The following ESRRG variants were observed in gnomAD, a reference collection of about 807,000 sequenced individuals.
ESRRG encodes the protein estrogen related receptor gamma, also known as estrogen-related receptor gamma.
A neutral mutation model predicts 44.0 loss-of-function variants in ESRRG; 13 were observed. That is an observed-to-expected ratio of 0.30 (90% CI 0.19 to 0.47). The LOEUF is 0.47. ESRRG is among the 20% of genes least tolerant of loss of function. ESRRG has a pLI of 1.00. For missense variants in ESRRG, 395 were observed against 580.6 expected (o/e 0.68, Z 3.29); for synonymous variants, 215 against 214.6 (o/e 1.00, Z -0.02).
chr1:217,026,910 C>CAGAGAGAG (rs1414926581), intron 1 of ESRRG, among the ~76,000 whole-genome samples: 159 of 97,230 alleles, frequency 1.6e-3, no homozygotes, highest in African/African-American at 5.0e-3. Context: ...CACACACACA[C>CAGAGAGAG]ACAGAGAGAG....
intron 1 of ESRRG, among the ~76,000 whole-genome samples, chr1:216,953,125 CA>C (rs1416137192): frequency 6.6e-6 from 1 of 152,086 alleles, no homozygotes; most frequent in Non-Finnish European, 1.5e-5. Context: ...CTACAATGAC[CA>C]GGGGATGGCC....
At chr1:216,991,634 G>C (rs1462981117) in intron 1 of ESRRG, among the ~76,000 whole-genome samples, 1 of 103,130 alleles carries the variant, frequency 9.7e-6, no homozygotes, top group East Asian at 3.1e-4. Flanking sequence ...GATGGGATGG[G>C]ATGGGATGGG....
At chr1:216,758,573 C>T (rs1285039451) in intron 2 of ESRRG, among the ~76,000 whole-genome samples, 2 of 151,722 alleles carry the variant, frequency 1.3e-5, no homozygotes, top group African/African-American at 2.4e-5. Flanking sequence ...TTTTTTAAAG[C>T]GACTCAAAGT....
At chr1:216,989,887 T>C (rs79897030) in intron 1 of ESRRG, among the ~76,000 whole-genome samples, 6,875 of 152,256 alleles carry the variant, frequency 0.045, 220 homozygotes, top group South Asian at 0.079. Flanking sequence ...TTTCTAACTT[T>C]ACTTTCTAAA....
chr1:217,059,545 C>T (rs2087896038), intron 1 of ESRRG, among the ~76,000 whole-genome samples: 1 of 152,044 alleles, frequency 6.6e-6, no homozygotes, highest in African/African-American at 2.4e-5. Context: ...GGCAGGAGAG[C>T]TATCAAAGGC....
chr1:216,738,229 A>C (rs917060113), intron 2 of ESRRG, among the ~76,000 whole-genome samples: 2 of 152,142 alleles, frequency 1.3e-5, no homozygotes, highest in Admixed American at 1.3e-4. Context: ...AAAAAGGTGA[A>C]GTTAACTGCT....
intron 2 of ESRRG, among the ~76,000 whole-genome samples, chr1:216,894,842 T>C (rs1198281973): frequency 6.6e-6 from 1 of 152,202 alleles, no homozygotes; most frequent in East Asian, 1.9e-4. Flanking sequence ...AGCAGCTTAA[T>C]GAAGTAGTAT....
At chr1:216,868,447 G>A (rs889346657) in intron 2 of ESRRG, among the ~76,000 whole-genome samples, 2 of 152,100 alleles carry the variant, frequency 1.3e-5, no homozygotes, top group Admixed American at 1.3e-4. Context: ...ATGCACCACA[G>A]TTTATCTATC....
At chr1:216,989,726 T>C (rs1454950525) in intron 1 of ESRRG, among the ~76,000 whole-genome samples, 2 of 152,192 alleles carry the variant, frequency 1.3e-5, no homozygotes, top group Non-Finnish European at 2.9e-5. Flanking sequence ...AGTGTGTCCC[T>C]GCAGCTTCCT....
intron 1 of ESRRG, among the ~76,000 whole-genome samples, chr1:216,684,089 G>GTGT (rs1447022873): frequency 6.6e-6 from 1 of 152,202 alleles, no homozygotes; most frequent in Non-Finnish European, 1.5e-5. Flanking sequence ...AGGACTAGGG[G>GTGT]TGTTGCAAGT....
chr1:216,745,433 T>G (rs561040597), intron 2 of ESRRG, among the ~76,000 whole-genome samples: 26 of 152,276 alleles, frequency 1.7e-4, no homozygotes, highest in African/African-American at 5.1e-4. Context: ...TCAAGCGATC[T>G]TCCTGCCTCG....
chr1:217,115,107 C>A (rs1175016651), intron 1 of ESRRG, among the ~76,000 whole-genome samples: 1 of 152,142 alleles, frequency 6.6e-6, no homozygotes, highest in Non-Finnish European at 1.5e-5. Flanking sequence ...TTAAAAATTC[C>A]TTCTCTCATC....
At chr1:217,096,866 T>A (rs2151559970) in intron 1 of ESRRG, among the ~76,000 whole-genome samples, 1 of 152,312 alleles carries the variant, frequency 6.6e-6, no homozygotes, top group South Asian at 2.1e-4. Context: ...AAATACTAAA[T>A]GAATAAACAA....
At chr1:216,514,865 T>A (rs1256516989) in intron 6 of ESRRG, among the ~76,000 whole-genome samples, 1 of 151,978 alleles carries the variant, frequency 6.6e-6, no homozygotes, top group Non-Finnish European at 1.5e-5. Context: ...AAAAGGATAA[T>A]CTCTTGACCA....
intron 2 of ESRRG, among the ~76,000 whole-genome samples, chr1:216,732,857 GA>G (rs368141849): frequency 7.1e-6 from 1 of 141,064 alleles, no homozygotes; most frequent in East Asian, 2.3e-4. Context: ...AAAGGGGGGG[GA>G]GGAGGGGGAC....
intron 2 of ESRRG, among the ~76,000 whole-genome samples, chr1:216,853,816 A>C (rs886352224): frequency 2.0e-5 from 3 of 152,172 alleles, no homozygotes; most frequent in African/African-American, 7.2e-5. Context: ...AGCACTTCAT[A>C]ATAATTTCTT....
chr1:216,654,948 A>G (rs537067894), intron 2 of ESRRG, among the ~76,000 whole-genome samples: 1 of 152,350 alleles, frequency 6.6e-6, no homozygotes, highest in East Asian at 1.9e-4. Context: ...TGATTCAATA[A>G]TAGTAGCTAA....
In ESRRG at chr1:216,710,151, T is replaced by C. The variant is rs552540043; in HGVS notation, c.56+13093A>G. Among the ~76,000 whole-genome samples, 313 of 152,284 alleles carry C rather than the reference T, an allele frequency of 2.1e-3. 1 individual carries two copies. Among genetic ancestry groups the C allele is most frequent in the African/African-American group, 7.3e-3 (304 of 41,562 alleles). ...TGGCTTCTATCTTCCAGTCCTGCCG[T>C]CTTTTTAAAAAACAAGGCAGGGGTT... On this transcript the variant is annotated intron_variant, in intron 1 of 6. Transcript: ENST00000408911.
chr1:216,710,704 T>C (rs1476461192), intron 1 of ESRRG, among the ~76,000 whole-genome samples: 1 of 152,172 alleles, frequency 6.6e-6, no homozygotes, highest in African/African-American at 2.4e-5. Flanking sequence ...AGAATAAATA[T>C]ATTCTGCCAT....
Sources: allele counts gnomAD v4.1 joint callset (sites outside exome capture counted in the v4.1 genomes callset), GRCh38; gene constraint gnomAD v4.1.1; transcripts MANE v1.5; gene names NCBI Gene and HGNC (gene_info 2026-07-23, HGNC 2026-07-21).